Variants in RAB3B observed in about 807,000 individuals in gnomAD.
The protein encoded by RAB3B is RAB3B, member RAS oncogene family.
In RAB3B, 11 loss-of-function variants were observed where a neutral mutation model predicts 20.5. The ratio of observed to expected loss-of-function variants is 0.54; its 90% CI spans 0.34 to 0.89. The LOEUF is 0.89. RAB3B is among the 40% of genes least tolerant of loss of function. The probability of loss-of-function intolerance (pLI) is 0.02; values close to 1 mark genes in which losing one functional copy is unlikely to be tolerated. For synonymous variants in RAB3B, 99 were observed against 106.3 expected (o/e 0.93, Z 0.42); for missense variants, 225 against 280.9 (o/e 0.80, Z 1.42).
chr1:51,912,359 T>C lies in RAB3B; in HGVS notation c.*7568A>G, dbSNP rs527676815. On this transcript the variant is annotated 3_prime_UTR_variant, in exon 5 of 5. Coordinates refer to ENST00000371655, the MANE Select transcript of RAB3B (RefSeq NM_002867.4). ...GTCTTGCCAAGGTTTGGATTGTTTT[T>C]GTGTGAAGTAAACCTCAGTGTTACT... is the stretch of plus-strand genomic sequence containing the variant. 15 of 149,614 alleles carry C rather than the reference T, an allele frequency of 1.0e-4. No homozygotes were observed. The South Asian group carries it at 2.9e-3, about 29-fold the overall frequency. The allele number at this position is 149,614 out of a possible 1,614,324, so 9.3% of individuals were successfully genotyped here. A position where few individuals can be genotyped will look rare whatever the true frequency, so the allele number is the denominator to read the frequency against.
chr1:51,933,704 G>C (rs576967758), intron 3 of RAB3B, among the ~76,000 whole-genome samples: 94 of 152,306 alleles, frequency 6.2e-4, no homozygotes, highest in Non-Finnish European at 1.1e-3. Flanking sequence ...TACTGGAGCT[G>C]CTGGCACCTT....
intron 4 of RAB3B, among the ~76,000 whole-genome samples, chr1:51,921,227 CCT>C (rs1684168005): frequency 6.6e-6 from 1 of 152,160 alleles, no homozygotes; most frequent in Non-Finnish European, 1.5e-5. Context: ...GAGCCTTTCC[CCT>C]GTGTCCCTTG....
chr1:51,916,054 T>C lies in RAB3B; in HGVS notation c.*3873A>G, dbSNP rs1257608099. The C allele has an allele frequency of 1.3e-5, 2 of 152,264 alleles. No individual in the cohort carries two copies. The highest frequency in any genetic ancestry group is 3.8e-4 in the East Asian group (2 of 5,204). The allele number at this position is 152,264 out of a possible 1,614,324, so 9.4% of individuals were successfully genotyped here. A position where few individuals can be genotyped will look rare whatever the true frequency, so the allele number is the denominator to read the frequency against. On this transcript the variant is annotated 3_prime_UTR_variant, in exon 5 of 5. Coordinates refer to ENST00000371655, the MANE Select transcript of RAB3B (RefSeq NM_002867.4). Reference sequence around the variant, plus strand: ...TGAGGAAGATTAAATCCAGGACAAGTTGCCACTAACACATATTACACAGCT... The same window carrying C: ...TGAGGAAGATTAAATCCAGGACAAGCTGCCACTAACACATATTACACAGCT...
chr1:51,972,474 GCTTTTTT>G (rs1383188609), intron 2 of RAB3B, among the ~76,000 whole-genome samples: 23 of 149,288 alleles, frequency 1.5e-4, no homozygotes, highest in Admixed American at 6.0e-4. Context: ...TATACACTAT[GCTTTTTT>G]CTTTTTTCTT....
intron 1 of RAB3B, 102 bp from the exon 2 acceptor site, chr1:51,977,219 C>G (rs938090558): frequency 7.4e-6 from 6 of 812,790 alleles, no homozygotes; most frequent in Admixed American, 6.4e-5. Flanking sequence ...TCACTCCTTA[C>G]TCCAGCACCA....
chr1:51,965,607 A>G (rs1218130298), intron 2 of RAB3B, among the ~76,000 whole-genome samples: 1 of 151,374 alleles, frequency 6.6e-6, no homozygotes, highest in Admixed American at 6.6e-5. Flanking sequence ...AGAATGTACC[A>G]CTGCACTCCA....
intron 1 of RAB3B, among the ~76,000 whole-genome samples, chr1:51,986,469 C>T (rs186628448): frequency 2.0e-5 from 3 of 151,976 alleles, no homozygotes; most frequent in African/African-American, 7.3e-5. Flanking sequence ...TTAAATTAGT[C>T]GGATGTGGTG....
intron 2 of RAB3B, among the ~76,000 whole-genome samples, chr1:51,947,254 G>A (rs1387494497): frequency 1.3e-5 from 2 of 152,000 alleles, no homozygotes; most frequent in African/African-American, 4.8e-5. Flanking sequence ...AAATTAGCTG[G>A]GCATGGTGGC....
intron 1 of RAB3B, among the ~76,000 whole-genome samples, chr1:51,990,070 C>T (rs1326429524): frequency 2.3e-5 from 3 of 131,682 alleles, no homozygotes; most frequent in African/African-American, 5.8e-5. Flanking sequence ...CCCAGCCAGT[C>T]CCCTCCCCTC....
chr1:51,967,590 T>C (rs1557974454), intron 2 of RAB3B, among the ~76,000 whole-genome samples: 1 of 140,480 alleles, frequency 7.1e-6, no homozygotes, highest in African/African-American at 2.6e-5. Flanking sequence ...GGTGTGGTTA[T>C]AGCTCAAGGC....
chr1:51,978,844 C>T (rs200055704), intron 1 of RAB3B, among the ~76,000 whole-genome samples: 2 of 152,126 alleles, frequency 1.3e-5, no homozygotes, highest in Non-Finnish European at 2.9e-5. Flanking sequence ...GCTCTTTGGG[C>T]CTCTCAGATG....
At chr1:51,979,584 T>C (rs890061789) in intron 1 of RAB3B, among the ~76,000 whole-genome samples, 9 of 152,010 alleles carry the variant, frequency 5.9e-5, no homozygotes, top group Non-Finnish European at 8.8e-5. Flanking sequence ...TTATGCTTTT[T>C]CTACATAAAA....
At chr1:51,953,690 T>A (rs1684670303) in intron 2 of RAB3B, among the ~76,000 whole-genome samples, 1 of 152,058 alleles carries the variant, frequency 6.6e-6, no homozygotes, top group Non-Finnish European at 1.5e-5. Context: ...AGTCCCAGCT[T>A]CTTGGGAGGC....
intron 2 of RAB3B, among the ~76,000 whole-genome samples, chr1:51,974,196 C>G (rs538174962): frequency 1.3e-5 from 2 of 152,320 alleles, no homozygotes; most frequent in African/African-American, 2.4e-5. Flanking sequence ...TCTCACATCC[C>G]CCTGTGCATG....
intron 4 of RAB3B, among the ~76,000 whole-genome samples, chr1:51,931,856 C>T (rs894761871): frequency 6.6e-6 from 1 of 151,978 alleles, no homozygotes; most frequent in Non-Finnish European, 1.5e-5. Context: ...GAGAGCATTC[C>T]AAGCAGATGA....
intron 4 of RAB3B, among the ~76,000 whole-genome samples, chr1:51,926,167 T>C (rs1006809200): frequency 6.6e-6 from 1 of 152,238 alleles, no homozygotes; most frequent in African/African-American, 2.4e-5. Flanking sequence ...TAATAGCAAG[T>C]AGGATGAGGA....
intron 3 of RAB3B, among the ~76,000 whole-genome samples, chr1:51,935,368 G>A (rs1482837122): frequency 1.3e-5 from 2 of 152,148 alleles, no homozygotes; most frequent in Admixed American, 1.3e-4. Context: ...CTGGGCACTG[G>A]GGCTTGGATG....
At chr1:51,987,720 T>C (rs1421131739) in intron 1 of RAB3B, among the ~76,000 whole-genome samples, 1 of 152,186 alleles carries the variant, frequency 6.6e-6, no homozygotes, top group South Asian at 2.1e-4. Flanking sequence ...AGTACAGTAA[T>C]TTCTTGGTAT....
intron 2 of RAB3B, among the ~76,000 whole-genome samples, chr1:51,943,227 T>C (rs1407321006): frequency 6.6e-6 from 1 of 152,010 alleles, no homozygotes; most frequent in Non-Finnish European, 1.5e-5. Context: ...CTACTAAAAA[T>C]ACAAAAATTA....
Sources: gnomAD v4.1 joint callset for allele counts (sites outside exome capture counted in the v4.1 genomes callset) on GRCh38, gnomAD v4.1.1 for gene constraint, MANE v1.5 for transcripts, NCBI Gene and HGNC (gene_info 2026-07-23, HGNC 2026-07-21) for gene names.